Variants in AKAP12 observed in about 807,000 individuals in gnomAD.
The protein encoded by AKAP12 is A-kinase anchor protein 12.
AKAP12 carries 32 observed loss-of-function variants against 79.9 expected under a neutral mutation model. The observed-to-expected ratio is 0.40, with a 90% CI of 0.30 to 0.54. The LOEUF (loss-of-function observed/expected upper bound fraction) is 0.54. AKAP12 is among the 20% of genes least tolerant of loss of function. The pLI is 0.48. For synonymous variants in AKAP12, 808 were observed against 857.0 expected (o/e 0.94, Z 1.00); for missense variants, 2,074 against 2,177.0 (o/e 0.95, Z 0.94).
intron 3 of AKAP12, among the ~76,000 whole-genome samples, chr6:151,333,571 C>T (rs1005483448): frequency 3.3e-5 from 5 of 151,798 alleles, no homozygotes; most frequent in African/African-American, 1.2e-4. Flanking sequence ...GCCAACATGG[C>T]GAAACTCTGT....
intron 3 of AKAP12, among the ~76,000 whole-genome samples, chr6:151,345,924 TGTGTGTGTGAGAGAGA>T (rs1427515346): frequency 9.6e-6 from 1 of 103,998 alleles, no homozygotes; most frequent in African/African-American, 3.1e-5. Context: ...TGTGTGTGTG[TGTGTGTGTGAGAGAGA>T]GAGAGAGAGA....
rs200401538 is a variant in AKAP12 at position 151,351,454 on chromosome 6, G to A, written c.3063G>A (p.Pro1021=). The change falls in exon 4 of 5, where the codon CCG becomes CCA. Residue 1021 remains proline, a synonymous_variant. Coordinates refer to ENST00000402676, the MANE Select transcript of AKAP12 (RefSeq NM_005100.4). This position sits in a 1 kb window ranked among gnomAD's most constrained non-coding sequence, Gnocchi z 4.4. The part of the protein sequence containing the change: ...DSPDTTEEAT[P]VQEVEGGVPD... ...CAGACACCACAGAGGAGGCCACTCC[G>A]GTGCAGGAGGTGGAAGGTGGCGTAC... 4.6e-4 allele frequency: 739 copies of A among 1,614,090 alleles called. No individual in the cohort carries two copies. The highest frequency in any genetic ancestry group is 6.1e-4 in the Non-Finnish European group (718 of 1,180,038).
intron 3 of AKAP12, among the ~76,000 whole-genome samples, chr6:151,321,812 A>G (rs945637838): frequency 1.3e-5 from 2 of 149,896 alleles, no homozygotes; most frequent in Non-Finnish European, 3.0e-5. Flanking sequence ...GCGATGTGTG[A>G]GGGTTCCACC....
At chr6:151,317,674 A>C (rs1320628979) in intron 3 of AKAP12, among the ~76,000 whole-genome samples, 5 of 152,242 alleles carry the variant, frequency 3.3e-5, no homozygotes, top group Non-Finnish European at 2.9e-5. Flanking sequence ...ATACTGAAGT[A>C]TGTGACTGCT....
chr6:151,312,432 T>G (rs1030034563), intron 3 of AKAP12, among the ~76,000 whole-genome samples: 1 of 151,982 alleles, frequency 6.6e-6, no homozygotes, highest in Admixed American at 6.6e-5. Context: ...GAGCCATGAT[T>G]GCACCACTGT....
At chr6:151,289,544 A>G (rs2347434) in intron 2 of AKAP12, among the ~76,000 whole-genome samples, 16 of 152,158 alleles carry the variant, frequency 1.1e-4, no homozygotes, top group African/African-American at 2.4e-5. Flanking sequence ...TCTCGTACAT[A>G]GTCACTTCTT....
intron 2 of AKAP12, among the ~76,000 whole-genome samples, chr6:151,263,621 C>T (rs1341522830): frequency 6.6e-6 from 1 of 151,884 alleles, no homozygotes; most frequent in Admixed American, 6.6e-5. Context: ...CTCTGTTGCC[C>T]AGGCTGGAGT....
rs758411450 is a variant in AKAP12 at position 151,348,816 on chromosome 6, C to T, written c.425C>T (p.Thr142Ile). ...ATCACAGATGATGGGCAGGAGGAGACACCCGAAATAATCGAACAGATTCCT... is the reference window on the plus strand; with the variant it reads ...ATCACAGATGATGGGCAGGAGGAGATACCCGAAATAATCGAACAGATTCCT... ...HDITDDGQEE[T>I]PEIIEQIPSS... The change falls in exon 4 of 5, where the codon ACA becomes ATA. Residue 142 changes from threonine (T) to isoleucine (I), a missense_variant. Physicochemically the swap from Thr to Ile is moderately conservative, Grantham distance 89. This residue lies in a region of AKAP12 where 1,428 missense variants were observed against 1,451.0 expected (regional missense o/e 0.98). Coordinates refer to ENST00000402676, the MANE Select transcript of AKAP12 (RefSeq NM_005100.4). 6.2e-7 allele frequency: 1 copy of T among 1,614,036 alleles called. No individual in the cohort carries two copies. Among genetic ancestry groups the T allele is most frequent in the Non-Finnish European group, 8.5e-7 (1 of 1,180,010 alleles).
Position 151,318,042 on chromosome 6 carries a change from C to G in AKAP12, c.319+12139C>G, listed in dbSNP as rs527528890. Among the ~76,000 whole-genome samples the G allele has an allele frequency of 3.3e-5, 5 of 152,326 alleles. No individual in the cohort carries two copies. In the South Asian group the frequency reaches 8.3e-4, roughly 25 times the overall value. ...CATTATGGACTGAAGGTTTGTGTCC[C>G]CCTAAACGTACATGTCGAAATCCTA... is the stretch of plus-strand genomic sequence containing the variant. On this transcript the variant is annotated intron_variant, in intron 3 of 4. Coordinates refer to ENST00000402676, the MANE Select transcript of AKAP12 (RefSeq NM_005100.4).
At chr6:151,298,595 AC>A (rs1776787844) in intron 2 of AKAP12, among the ~76,000 whole-genome samples, 1 of 152,082 alleles carries the variant, frequency 6.6e-6, no homozygotes, top group Non-Finnish European at 1.5e-5. Context: ...GGAGTTCGAG[AC>A]CAACCTGACC....
intron 3 of AKAP12, among the ~76,000 whole-genome samples, chr6:151,337,994 G>A (rs62441540): frequency 0.016 from 2,459 of 152,266 alleles, 40 homozygotes; most frequent in Non-Finnish European, 0.023. Flanking sequence ...CCAAGATGAC[G>A]CCATGGTACT....
intron 2 of AKAP12, among the ~76,000 whole-genome samples, chr6:151,281,140 T>C (rs1776399430): frequency 6.6e-6 from 1 of 152,214 alleles, no homozygotes; most frequent in Admixed American, 6.5e-5. Flanking sequence ...ATGTGCGTGG[T>C]GTTCAGGATG....
At position 151,352,980 on chromosome 6, in the gene AKAP12, T is replaced by C. The variant is rs755170732; in HGVS notation, c.4589T>C (p.Ile1530Thr). The C allele has an allele frequency of 7.0e-6, 10 of 1,422,252 alleles. No homozygotes were observed. The South Asian group carries it at 7.1e-5, about 10-fold the overall frequency. 88.1% of individuals were successfully genotyped at this position (1,422,252 alleles called of 1,614,324 possible). Residue 1530 changes from isoleucine (I) to threonine (T), a missense_variant, in exon 4 of 5, where the codon ATT becomes ACT. Coordinates refer to ENST00000402676, the MANE Select transcript of AKAP12 (RefSeq NM_005100.4). ...CAGGAGGTCAAAGTGAGTGTAGCAA[T>C]TGAGGATTTAGAGCCTGAAAATGGG... ...ACQEVKVSVA[I>T]EDLEPENGIL... is the part of the protein sequence containing the mutation.
Position 151,259,841 on chromosome 6 carries a change from C to T in AKAP12, c.162+19117C>T, listed in dbSNP as rs1210192114. 3.3e-5 allele frequency among the ~76,000 whole-genome samples: 5 copies of T among 151,478 alleles called. No homozygotes were observed. The East Asian group carries it at 9.7e-4, about 30-fold the overall frequency. ...ATCCACCTGCCTCAGCCTCCCAAAG[C>T]GCCGGGATTACAGGCATGAGCCACT... On this transcript the variant is annotated intron_variant, in intron 2 of 4. Coordinates refer to ENST00000402676, the MANE Select transcript of AKAP12 (RefSeq NM_005100.4).
At chr6:151,345,926 TGTGTGTGAGAGA>T (rs1233917502) in intron 3 of AKAP12, among the ~76,000 whole-genome samples, 11 of 107,562 alleles carry the variant, frequency 1.0e-4, no homozygotes, top group East Asian at 5.0e-4. Context: ...TGTGTGTGTG[TGTGTGTGAGAGA>T]GAGAGAGAGA....
intron 2 of AKAP12, among the ~76,000 whole-genome samples, chr6:151,288,110 T>A (rs921758677): frequency 1.3e-5 from 2 of 151,870 alleles, no homozygotes; most frequent in Non-Finnish European, 2.9e-5. Flanking sequence ...AAATACCTAA[T>A]GTAGTTGACG....
chr6:151,280,684 T>C (rs1170594625), intron 2 of AKAP12: 1 of 137,618 alleles, frequency 7.3e-6, no homozygotes, highest in Admixed American at 7.5e-5. Flanking sequence ...CTTCCTCTTG[T>C]TGCCCAGGCT....
chr6:151,348,680 TCCCCAC>T, intron 3 of AKAP12, 25 bp from the exon 4 acceptor site: 1 of 355,202 alleles, frequency 2.8e-6, no homozygotes. Flanking sequence ...TTTTCTCTTC[TCCCCAC>T]CCCCCCGCCC....
intron 3 of AKAP12, among the ~76,000 whole-genome samples, chr6:151,335,764 T>C (rs1321379519): frequency 6.6e-6 from 1 of 152,168 alleles, no homozygotes; most frequent in Non-Finnish European, 1.5e-5. Flanking sequence ...CGTGAGCCAC[T>C]GCACCTGGCC....
Sources: allele counts gnomAD v4.1 joint callset (sites outside exome capture counted in the v4.1 genomes callset), GRCh38; gene constraint gnomAD v4.1.1; regional missense constraint gnomAD v4.1.1; non-coding constraint Gnocchi (gnomAD v3.1); transcripts MANE v1.5; gene names NCBI Gene and HGNC (gene_info 2026-07-23, HGNC 2026-07-21).